The following CGNL1 variants were observed in gnomAD, a reference collection of about 807,000 sequenced individuals.
CGNL1 encodes the protein cingulin like 1.
Under a neutral mutation model 141.2 loss-of-function variants are expected in CGNL1, and 132 were observed. The observed-to-expected ratio is 0.93, with a 90% CI of 0.81 to 1.08. The LOEUF (loss-of-function observed/expected upper bound fraction) is 1.08, where lower values mean the gene tolerates loss of function less well. CGNL1 is among the 50% of genes least tolerant of loss of function. The pLI, the probability that CGNL1 is intolerant of heterozygous loss-of-function variation, is 0.00. For missense variants in CGNL1, 1,870 were observed against 1,588.6 expected, an observed-to-expected ratio of 1.18 and a Z score of -3.01; for synonymous variants, 690 against 622.1, an observed-to-expected ratio of 1.11 and a Z score of -1.63.
chr15:57,542,510 C>T (rs1448059023), intron 14 of CGNL1, among the ~76,000 whole-genome samples: 3 of 152,168 alleles, frequency 2.0e-5, no homozygotes, highest in African/African-American at 4.8e-5. Flanking sequence ...GATTTCTTCC[C>T]TGGTGCTACA....
Position 57,442,426 on chromosome 15 carries a change from A to G in CGNL1, c.1751A>G (p.Lys584Arg). The G allele has an allele frequency of 6.2e-7, 1 of 1,613,896 alleles. No homozygotes were observed. The highest frequency in any genetic ancestry group is 8.5e-7 in the Non-Finnish European group (1 of 1,179,812). ...AGGAAAGTCAACTTGGTCTTTGAGA[A>G]AATCCAGACCTTAAAGTCTCGAGCA... The part of the protein sequence containing the change: ...TKRKVNLVFE[K>R]IQTLKSRAAG... The change falls in exon 4 of 19, where the codon AAA (lysine) becomes AGA (arginine). Residue 584 changes from lysine to arginine, a missense_variant. By Grantham distance (26) the Lys-to-Arg change is conservative. Coordinates refer to ENST00000281282, the MANE Select transcript of CGNL1 (RefSeq NM_032866.5).
chr15:57,475,122 A>G (rs1205422961), intron 8 of CGNL1, among the ~76,000 whole-genome samples: 1 of 151,834 alleles, frequency 6.6e-6, no homozygotes, highest in Non-Finnish European at 1.5e-5. Context: ...TATTTCCCCA[A>G]CTGTGTTGCC....
chr15:57,394,391 C>T (rs2152237189), intron 1 of CGNL1, among the ~76,000 whole-genome samples: 2 of 152,176 alleles, frequency 1.3e-5, no homozygotes, highest in South Asian at 4.2e-4. Flanking sequence ...TCCCAAAGTG[C>T]TGGGATTACA....
intron 1 of CGNL1, among the ~76,000 whole-genome samples, chr15:57,434,520 A>T (rs2063081698): frequency 6.6e-6 from 1 of 152,204 alleles, no homozygotes; most frequent in Non-Finnish European, 1.5e-5. Context: ...TATATATATT[A>T]TGTGCTCATG....
At chr15:57,446,704 T>G (rs2063257218) in intron 4 of CGNL1, among the ~76,000 whole-genome samples, 1 of 150,556 alleles carries the variant, frequency 6.6e-6, no homozygotes, top group South Asian at 2.1e-4. Flanking sequence ...CTCACTCATT[T>G]CTCTTGAGAA....
At chr15:57,546,369 CT>C in intron 18 of CGNL1, 130 bp downstream of exon 18, 1 of 1,137,384 alleles carries the variant, frequency 8.8e-7, no homozygotes, top group Non-Finnish European at 1.2e-6. Context: ...GTTATCGTAT[CT>C]TAGAGATGAA....
At chr15:57,377,525 TCAAGATCAGTC>T (rs1462591423) in intron 1 of CGNL1, among the ~76,000 whole-genome samples, 4 of 152,176 alleles carry the variant, frequency 2.6e-5, no homozygotes, top group Non-Finnish European at 5.9e-5. Flanking sequence ...TTCGGACGGC[TCAAGATCAGTC>T]CTGATCTAGA....
chr15:57,482,613 G>C (rs548447699), intron 8 of CGNL1, among the ~76,000 whole-genome samples: 12 of 152,210 alleles, frequency 7.9e-5, no homozygotes, highest in East Asian at 5.8e-4. Context: ...GTTAATTTCT[G>C]GGCTCTCTAT....
Position 57,518,496 on chromosome 15 carries a change from A to T in CGNL1, c.2714A>T (p.Gln905Leu). 4.4e-6 allele frequency: 7 copies of T among 1,602,168 alleles called. No individual in the cohort carries two copies. Among genetic ancestry groups the T allele is most frequent in the Non-Finnish European group, 6.0e-6 (7 of 1,171,828 alleles). Reference protein sequence around the residue: ...RALENELEAAQGNLSQTTQEQ... With the variant: ...RALENELEAALGNLSQTTQEQ... ...CTGGAGAATGAACTGGAGGCTGCTC[A>T]GGTAAACACCAAGGGCTGTTGTCAT... The change falls in exon 10 of 19, where the codon CAG (glutamine) becomes CTG (leucine). Residue 905 changes from glutamine (Q) to leucine (L), a missense_variant and splice_region_variant. Transcript: ENST00000281282.
chr15:57,453,893 G>T (rs1328544820), intron 7 of CGNL1, 75 bp downstream of exon 7: 24 of 1,563,768 alleles, frequency 1.5e-5, no homozygotes, highest in Non-Finnish European at 2.1e-5. Context: ...AGGGTTTGTG[G>T]ACTGCAAGCC....
rs560161279 is a variant in CGNL1 at position 57,531,298 on chromosome 15, G to A, written c.3202-392G>A. Among the ~76,000 whole-genome samples the A allele has an allele frequency of 4.6e-5, 7 of 152,296 alleles. No homozygotes were observed. The East Asian group carries it at 7.7e-4, about 17-fold the overall frequency. ...TTGCAGACAAAAGATTGTCCGGAGC[G>A]TCAAGTGTTTTTTCCACATTGTCTT... On this transcript the variant is annotated intron_variant, in intron 13 of 18. Transcript: ENST00000281282.
At chr15:57,402,872 C>G (rs1428392288) in intron 1 of CGNL1, among the ~76,000 whole-genome samples, 2 of 152,148 alleles carry the variant, frequency 1.3e-5, no homozygotes, top group Non-Finnish European at 2.9e-5. Context: ...TTTCCCAGCC[C>G]TCAGTGCAGG....
chr15:57,520,587 G>A (rs568966666), intron 10 of CGNL1, among the ~76,000 whole-genome samples: 22 of 152,312 alleles, frequency 1.4e-4, no homozygotes, highest in African/African-American at 5.1e-4. Context: ...AGGGCTACTG[G>A]AACTGCACTT....
In CGNL1 at chr15:57,528,669, G is replaced by T; in HGVS notation, c.3055G>T (p.Glu1019Ter). 1 of 1,614,078 alleles carries T rather than the reference G, an allele frequency of 6.2e-7. No homozygotes were observed. Among genetic ancestry groups the T allele is most frequent in the Non-Finnish European group, 8.5e-7 (1 of 1,179,984 alleles). The change falls in exon 13 of 19, where the codon GAA becomes TAA. Residue 1019 changes from glutamate to a stop codon, truncating the protein, a stop_gained. Transcript: ENST00000281282. LOFTEE classifies it high-confidence loss of function. ...CTCCTCCTAGATGCGTCTGATGGAG[G>T]AAGAGTTACGGGACTACCAGAGAGC... The part of the protein sequence containing the change: ...KMQDEMRLME[E>*]ELRDYQRAQD...
At chr15:57,433,059 C>T (rs1248353734) in intron 1 of CGNL1, among the ~76,000 whole-genome samples, 1 of 152,160 alleles carries the variant, frequency 6.6e-6, no homozygotes, top group Admixed American at 6.5e-5. Flanking sequence ...ATTTTTCTTA[C>T]AACACTTATT....
intron 11 of CGNL1, among the ~76,000 whole-genome samples, 197 bp from the exon 12 acceptor site, chr15:57,524,384 G>A (rs6493932): frequency 0.073 from 11,145 of 152,232 alleles, 826 homozygotes; most frequent in African/African-American, 0.19. Context: ...TCCAAAGGAC[G>A]TGCCTGCTCA....
chr15:57,492,214 C>T (rs2063874733), intron 8 of CGNL1, among the ~76,000 whole-genome samples: 1 of 152,184 alleles, frequency 6.6e-6, no homozygotes, highest in East Asian at 1.9e-4. Flanking sequence ...ACCTGGAGAC[C>T]TGGCAATAGG....
Position 57,545,679 on chromosome 15 carries a change from A to T in CGNL1, c.3588A>T (p.Ser1196=). 2 of 1,613,192 alleles carry T rather than the reference A, an allele frequency of 1.2e-6. No individual in the cohort carries two copies. The highest frequency in any genetic ancestry group is 1.7e-6 in the Non-Finnish European group (2 of 1,179,614). Residue 1196 remains serine (S), a synonymous_variant, in exon 17 of 19, where the codon TCA becomes TCT. Coordinates refer to ENST00000281282, the MANE Select transcript of CGNL1 (RefSeq NM_032866.5). ...TGCAGGTGGATGATGAGCACCTGTCATTGACTGATCAGAAGGACCAGGTGG... is the reference window on the plus strand; with the variant it reads ...TGCAGGTGGATGATGAGCACCTGTCTTTGACTGATCAGAAGGACCAGGTGG... ...LVMQVDDEHL[S]LTDQKDQLSL...
At chr15:57,452,653 C>T (rs890912524) in intron 6 of CGNL1, among the ~76,000 whole-genome samples, 4 of 151,822 alleles carry the variant, frequency 2.6e-5, no homozygotes, top group Non-Finnish European at 5.9e-5. Context: ...ACGTGGCCCC[C>T]GTGAGCTCTC....
Sources: allele counts gnomAD v4.1 joint callset (sites outside exome capture counted in the v4.1 genomes callset), GRCh38; gene constraint gnomAD v4.1.1; transcripts MANE v1.5; gene names NCBI Gene and HGNC (gene_info 2026-07-23, HGNC 2026-07-21).